Variants in MERTK observed in about 807,000 individuals in gnomAD.
The protein encoded by MERTK is tyrosine-protein kinase Mer.
MERTK carries 69 observed loss-of-function variants against 99.3 expected under a neutral mutation model. The ratio of observed to expected loss-of-function variants is 0.70; its 90% CI spans 0.57 to 0.85. The LOEUF (loss-of-function observed/expected upper bound fraction) is 0.85, where lower values mean the gene tolerates loss of function less well. MERTK is among the 40% of genes least tolerant of loss of function. MERTK has a pLI of 0.00. For synonymous variants in MERTK, 426 were observed against 467.6 expected, an observed-to-expected ratio of 0.91 and a Z score of 1.15; for missense variants, 1,125 against 1,249.4, an observed-to-expected ratio of 0.90 and a Z score of 1.50.
At chr2:111,974,277 C>T (rs1676191711) in intron 6 of MERTK, among the ~76,000 whole-genome samples, 1 of 150,442 alleles carries the variant, frequency 6.6e-6, no homozygotes, top group Non-Finnish European at 1.5e-5. Flanking sequence ...GTGGCAGGCA[C>T]CTGTGATCCC....
chr2:111,985,547 G>C (rs951161160), intron 8 of MERTK, among the ~76,000 whole-genome samples: 8 of 152,170 alleles, frequency 5.3e-5, no homozygotes, highest in African/African-American at 1.9e-4. Flanking sequence ...TGCTAATAAA[G>C]ACATACCTGA....
At chr2:111,954,572 T>G (rs1256805477) in intron 4 of MERTK, among the ~76,000 whole-genome samples, 3 of 152,238 alleles carry the variant, frequency 2.0e-5, no homozygotes, top group Non-Finnish European at 1.5e-5. Context: ...GAATTACAAA[T>G]AGTCCCCGAG....
At chr2:111,956,809 A>G (rs1393135675) in intron 4 of MERTK, among the ~76,000 whole-genome samples, 1 of 152,064 alleles carries the variant, frequency 6.6e-6, no homozygotes, top group African/African-American at 2.4e-5. Context: ...CTACAGGGAT[A>G]AGAAGCTTTT....
intron 6 of MERTK, among the ~76,000 whole-genome samples, chr2:111,970,266 C>T (rs918233734): frequency 6.6e-6 from 1 of 151,964 alleles, no homozygotes; most frequent in African/African-American, 2.4e-5. Flanking sequence ...AAGCAATTCT[C>T]CTGCCTCACC....
At chr2:111,910,296 T>TCTC (rs1344821894) in intron 1 of MERTK, among the ~76,000 whole-genome samples, 1 of 148,356 alleles carries the variant, frequency 6.7e-6, no homozygotes, top group East Asian at 2.0e-4. Context: ...TGAGACAAAG[T>TCTC]CTCGCTCTTG....
chr2:112,012,308 A>ACC (rs112724929), intron 15 of MERTK, among the ~76,000 whole-genome samples: 2 of 122,920 alleles, frequency 1.6e-5, no homozygotes, highest in Non-Finnish European at 3.3e-5. Context: ...CTTCCCCCCC[A>ACC]CCCCCACACC....
chr2:111,944,537 C>CTGTTTTA, intron 2 of MERTK, among the ~76,000 whole-genome samples: 1 of 151,830 alleles, frequency 6.6e-6, no homozygotes, highest in Non-Finnish European at 1.5e-5. Context: ...GGAATTAGCT[C>CTGTTTTA]ACACACAGTG....
chr2:111,967,313 T>C (rs565685224), intron 5 of MERTK, among the ~76,000 whole-genome samples: 1 of 152,310 alleles, frequency 6.6e-6, no homozygotes, highest in East Asian at 1.9e-4. Context: ...ACTTCTCTAA[T>C]TGGATTCTAG....
intron 2 of MERTK, among the ~76,000 whole-genome samples, chr2:111,931,658 C>G (rs1436119931): frequency 6.6e-6 from 1 of 151,464 alleles, no homozygotes; most frequent in African/African-American, 2.4e-5. Context: ...TGCACTCCAG[C>G]CTGGCAACAG....
chr2:111,906,498 G>T (rs1220908082), intron 1 of MERTK, among the ~76,000 whole-genome samples: 15 of 152,184 alleles, frequency 9.9e-5, no homozygotes, highest in Admixed American at 9.8e-4. Context: ...TTAGAACAGA[G>T]ACTCAAACTT....
At chr2:111,904,609 C>G (rs767419247) in intron 1 of MERTK, among the ~76,000 whole-genome samples, 5 of 152,046 alleles carry the variant, frequency 3.3e-5, no homozygotes, top group Non-Finnish European at 7.4e-5. Flanking sequence ...CTCCTGACCT[C>G]GCGATCCACC....
At chr2:111,965,326 G>A in intron 5 of MERTK, 49 bp downstream of exon 5, 1 of 1,582,130 alleles carries the variant, frequency 6.3e-7, no homozygotes, top group Non-Finnish European at 8.7e-7. Flanking sequence ...AGCTGGTGAG[G>A]GTACAGCATG....
chr2:112,012,373 G>A (rs2104415255), intron 15 of MERTK, among the ~76,000 whole-genome samples: 1 of 132,750 alleles, frequency 7.5e-6, no homozygotes, highest in East Asian at 2.1e-4. Context: ...AAAGATGTTT[G>A]GGCCCCATGT....
chr2:111,957,560 A>C (rs1685173105), intron 4 of MERTK, among the ~76,000 whole-genome samples: 1 of 152,084 alleles, frequency 6.6e-6, no homozygotes, highest in African/African-American at 2.4e-5. Context: ...TCACCTTCTA[A>C]TATATCATAC....
rs1280162964 is a variant in MERTK at position 111,951,521 on chromosome 2, C to CTATATATATATATATATA, written c.757+3954_757+3955insTATATATATATATATATA. 3.5e-3 allele frequency among the ~76,000 whole-genome samples: 76 copies of CTATATATATATATATATA among 21,482 alleles called. 4 individuals are homozygous for CTATATATATATATATATA. Among genetic ancestry groups the CTATATATATATATATATA allele is most frequent in the Non-Finnish European group, 6.5e-3 (66 of 10,092 alleles). 14.1% of individuals were successfully genotyped at this position (21,482 alleles called of 152,430 possible). ...TTTTTGTACACGCTGAATAATATTC[C>CTATATATATATATATATA]CATATATATATATATATATATATAT... On this transcript the variant is annotated intron_variant, in intron 4 of 18. Coordinates refer to ENST00000295408, the MANE Select transcript of MERTK (RefSeq NM_006343.3).
In MERTK at chr2:111,947,578, G is replaced by T; in HGVS notation, c.757+11G>T. On this transcript the variant is annotated intron_variant, in intron 4 of 18. Transcript: ENST00000295408. ...TGCTAACTGTTCCAGGTAAGTCCGAGCTGTGGGCTTATTGATTTATTCTCT... is the reference window on the plus strand; with the variant it reads ...TGCTAACTGTTCCAGGTAAGTCCGATCTGTGGGCTTATTGATTTATTCTCT... The T allele has an allele frequency of 5.6e-6, 9 of 1,613,844 alleles. No individual in the cohort carries two copies. Among genetic ancestry groups the T allele is most frequent in the Non-Finnish European group, 7.6e-6 (9 of 1,179,954 alleles).
intron 18 of MERTK, among the ~76,000 whole-genome samples, chr2:112,023,600 C>G (rs189992833): frequency 1.3e-5 from 2 of 152,228 alleles, no homozygotes; most frequent in East Asian, 3.9e-4. Context: ...AGGCCACGCT[C>G]TGCTTCCTAA....
At chr2:112,015,045 A>G (rs1447736677) in intron 15 of MERTK, among the ~76,000 whole-genome samples, 1 of 152,160 alleles carries the variant, frequency 6.6e-6, no homozygotes, top group African/African-American at 2.4e-5. Flanking sequence ...GCTGTGTAGT[A>G]TTCCATTGTA....
chr2:111,982,910 T>A lies in MERTK; in HGVS notation c.1213T>A (p.Trp405Arg). ...NESSDNVDIRWMKPPTKQQDG... is the reference protein window; with the variant it reads ...NESSDNVDIRRMKPPTKQQDG... ...ATCTAGTGATAATGTGGACATCAGA[T>A]GGATGAAGCCTCCGACTAAGCAGCA... is the stretch of plus-strand genomic sequence containing the variant. The change falls in exon 8 of 19, where the codon TGG becomes AGG. Residue 405 changes from tryptophan to arginine, a missense_variant. By Grantham distance (101) the Trp-to-Arg change is moderately radical (BLOSUM62 -3). Transcript: ENST00000295408. The A allele has an allele frequency of 6.2e-7, 1 of 1,614,158 alleles. No homozygotes were observed. The highest frequency in any genetic ancestry group is 8.5e-7 in the Non-Finnish European group (1 of 1,180,016).
Sources: gnomAD v4.1 joint callset for allele counts (sites outside exome capture counted in the v4.1 genomes callset) on GRCh38, gnomAD v4.1.1 for gene constraint, MANE v1.5 for transcripts, NCBI Gene and HGNC (gene_info 2026-07-23, HGNC 2026-07-21) for gene names.